The following TTC23 variants were observed in gnomAD, a reference collection of about 807,000 sequenced individuals.
The protein encoded by TTC23 is tetratricopeptide repeat domain 23, also known as tetratricopeptide repeat protein 23.
Under a neutral mutation model 55.1 loss-of-function variants are expected in TTC23, and 58 were observed. That is an observed-to-expected ratio of 1.05 (90% CI 0.85 to 1.31). The LOEUF (loss-of-function observed/expected upper bound fraction) is 1.31. TTC23 is among the 50% of genes most tolerant of loss of function. The pLI is 0.00. For synonymous variants in TTC23, 203 were observed against 199.9 expected (o/e 1.02, Z -0.13); for missense variants, 516 against 534.4 (o/e 0.97, Z 0.34).
At chr15:99,185,076 G>A (rs1453359533) in intron 9 of TTC23, among the ~76,000 whole-genome samples, 1 of 152,128 alleles carries the variant, frequency 6.6e-6, no homozygotes, top group African/African-American at 2.4e-5. Flanking sequence ...ACAAAACTGT[G>A]AGTCAATTAA....
In TTC23 at chr15:99,200,001, T is replaced by G; in HGVS notation, c.677A>C (p.Glu226Ala). 6.2e-7 allele frequency: 1 copy of G among 1,614,150 alleles called. No individual in the cohort carries two copies. Among genetic ancestry groups the G allele is most frequent in the Non-Finnish European group, 8.5e-7 (1 of 1,180,020 alleles). ...VEISKGETSR[E>A]CVPILRELAG... ...TAATTCTCTCAATATGGGTACACAC[T>G]CACGACTTGTTTCACCTTTACTGAT... Residue 226 changes from glutamate (E) to alanine (A), a missense_variant, in exon 9 of 14, where the codon GAG (glutamate) becomes GCG (alanine). Physicochemically the swap from Glu to Ala is moderately radical, Grantham distance 107. Transcript: ENST00000394132.
intron 12 of TTC23, among the ~76,000 whole-genome samples, chr15:99,150,822 C>G (rs781805684): frequency 1.2e-4 from 19 of 152,214 alleles, no homozygotes; most frequent in Non-Finnish European, 2.4e-4. Context: ...ACCTGGCAAA[C>G]CTGGTCTTAG....
chr15:99,216,405 A>T (rs2152038704), intron 8 of TTC23, among the ~76,000 whole-genome samples: 1 of 152,318 alleles, frequency 6.6e-6, no homozygotes, highest in South Asian at 2.1e-4. Flanking sequence ...ATTTGAGTGA[A>T]CCAAATTAAT....
At chr15:99,200,148 G>T in intron 8 of TTC23, 52 bp from the exon 9 acceptor site, 2 of 1,428,130 alleles carry the variant, frequency 1.4e-6, no homozygotes, top group South Asian at 1.6e-5. Context: ...AGAAAATACT[G>T]AAAATATAGG....
chr15:99,203,839 T>C (rs1426365681), intron 8 of TTC23, among the ~76,000 whole-genome samples: 4 of 152,196 alleles, frequency 2.6e-5, no homozygotes, highest in African/African-American at 9.6e-5. Context: ...CATCCTTTTT[T>C]AATGGCTAAT....
intron 8 of TTC23, among the ~76,000 whole-genome samples, chr15:99,206,242 A>G (rs1051969277): frequency 1.3e-5 from 2 of 152,054 alleles, no homozygotes; most frequent in African/African-American, 4.8e-5. Context: ...TTGTATCCAT[A>G]TTCATCAGAG....
In TTC23 at chr15:99,218,555, T is replaced by C. The variant is rs781743487; in HGVS notation, c.581+33A>G. ...TCTACAGGCAAAGAGCCTCCCGCCA[T>C]CATGTATGCAAAATCCTAAACTTGA... On this transcript the variant is annotated intron_variant, in intron 8 of 13. Transcript: ENST00000394132. The C allele has an allele frequency of 3.5e-5, 57 of 1,613,504 alleles. 2 individuals are homozygous for C. The South Asian group carries it at 4.8e-4, about 14-fold the overall frequency.
intron 8 of TTC23, among the ~76,000 whole-genome samples, chr15:99,217,367 C>T (rs2152041099): frequency 6.6e-6 from 1 of 152,196 alleles, no homozygotes; most frequent in South Asian, 2.1e-4. Flanking sequence ...CCATGTTTGT[C>T]AGGCTGGTCT....
At chr15:99,248,085 A>C (rs952327587) in intron 1 of TTC23, 1 of 152,232 alleles carries the variant, frequency 6.6e-6, no homozygotes, top group Non-Finnish European at 1.5e-5. Flanking sequence ...ATCTTAAAGA[A>C]GTAAACTCAA....
At chr15:99,148,187 C>T (rs782685757) in intron 12 of TTC23, among the ~76,000 whole-genome samples, 41 of 151,444 alleles carry the variant, frequency 2.7e-4, no homozygotes, top group South Asian at 1.3e-3. Context: ...ATGGTGAAAC[C>T]CCATCTCAAC....
At chr15:99,214,584 C>T (rs2077307788) in intron 8 of TTC23, among the ~76,000 whole-genome samples, 1 of 151,136 alleles carries the variant, frequency 6.6e-6, no homozygotes, top group Admixed American at 6.6e-5. Flanking sequence ...CACCACCACA[C>T]TTGGATAAAT....
intron 10 of TTC23, among the ~76,000 whole-genome samples, chr15:99,168,637 AAAGAAATG>A (rs2072485798): frequency 6.6e-6 from 1 of 152,202 alleles, no homozygotes; most frequent in Non-Finnish European, 1.5e-5. Context: ...CCTCCCCAGG[AAAGAAATG>A]AAGACAGGCT....
intron 9 of TTC23, among the ~76,000 whole-genome samples, chr15:99,193,287 T>C (rs1450698800): frequency 3.3e-5 from 5 of 152,218 alleles, no homozygotes; most frequent in Non-Finnish European, 5.9e-5. Flanking sequence ...GGCAGAATGA[T>C]ATGGTTTGGC....
intron 9 of TTC23, among the ~76,000 whole-genome samples, chr15:99,183,676 A>C (rs1171733027): frequency 6.6e-6 from 1 of 152,024 alleles, no homozygotes; most frequent in African/African-American, 2.4e-5. Context: ...GCATTCAAGA[A>C]GTGACAGAGC....
chr15:99,190,097 C>A (rs1182863643), intron 9 of TTC23, among the ~76,000 whole-genome samples: 1 of 152,012 alleles, frequency 6.6e-6, no homozygotes, highest in Non-Finnish European at 1.5e-5. Context: ...AGGAGGATTG[C>A]TTGACCTGGG....
At chr15:99,233,339 G>C (rs2079073052) in intron 4 of TTC23, among the ~76,000 whole-genome samples, 1 of 152,180 alleles carries the variant, frequency 6.6e-6, no homozygotes, top group South Asian at 2.1e-4. Flanking sequence ...AAAAGAATGA[G>C]AGAGATGACA....
intron 8 of TTC23, among the ~76,000 whole-genome samples, chr15:99,201,042 A>G (rs1439990900): frequency 5.3e-5 from 8 of 152,260 alleles, no homozygotes; most frequent in Non-Finnish European, 5.9e-5. Flanking sequence ...TATGCACAGA[A>G]AGATGGCAAA....
intron 12 of TTC23, among the ~76,000 whole-genome samples, chr15:99,149,428 G>C (rs566440199): frequency 6.6e-6 from 1 of 152,360 alleles, no homozygotes; most frequent in East Asian, 1.9e-4. Flanking sequence ...TCTACCACAG[G>C]CTTTGGGGTG....
chr15:99,204,400 G>T lies in TTC23; in HGVS notation c.582-4304C>A, dbSNP rs149857109. On this transcript the variant is annotated intron_variant, in intron 8 of 13. Coordinates refer to ENST00000394132, the MANE Select transcript of TTC23 (RefSeq NM_001288615.3). ...TGGTTATTAATCCCTCGACAGATGG[G>T]TAGTTTGCAAATATTTTCACACATT... Among the ~76,000 whole-genome samples the T allele has an allele frequency of 5.0e-3, 763 of 152,152 alleles. 4 individuals carry two copies. The highest frequency in any genetic ancestry group is 7.2e-3 in the Non-Finnish European group (493 of 68,014).
Sources: gnomAD v4.1 joint callset for allele counts (sites outside exome capture counted in the v4.1 genomes callset) on GRCh38, gnomAD v4.1.1 for gene constraint, MANE v1.5 for transcripts, NCBI Gene and HGNC (gene_info 2026-07-23, HGNC 2026-07-21) for gene names.